Variants in ANKRD44 observed in about 807,000 individuals in gnomAD.
ANKRD44 encodes the protein serine/threonine-protein phosphatase 6 regulatory ankyrin repeat subunit B.
Under a neutral mutation model 116.0 loss-of-function variants are expected in ANKRD44, and 35 were observed. The observed-to-expected ratio is 0.30, with a 90% confidence interval of 0.23 to 0.40. The LOEUF (loss-of-function observed/expected upper bound fraction) is 0.40. Among genes scored for constraint, ANKRD44 ranks in the 10% least tolerant of loss-of-function variants. The pLI, the probability that ANKRD44 is intolerant of heterozygous loss-of-function variation, is 1.00. For synonymous variants in ANKRD44, 435 were observed against 461.8 expected, an observed-to-expected ratio of 0.94 and a Z score of 0.74; for missense variants, 1,014 against 1,242.6, an observed-to-expected ratio of 0.82 and a Z score of 2.77.
chr2:197,168,293 A>G (rs2080145694), intron 2 of ANKRD44, among the ~76,000 whole-genome samples: 1 of 152,134 alleles, frequency 6.6e-6, no homozygotes, highest in South Asian at 2.1e-4. Flanking sequence ...ATGCCACTAA[A>G]CTTTGGGGTG....
chr2:197,117,832 C>T (rs1262152269), intron 8 of ANKRD44, among the ~76,000 whole-genome samples: 1 of 152,196 alleles, frequency 6.6e-6, no homozygotes, highest in Non-Finnish European at 1.5e-5. Context: ...TAGTTATCCA[C>T]TAATCAGCTC....
chr2:197,040,955 C>T lies in ANKRD44; in HGVS notation c.1651-15688G>A, dbSNP rs188530406. On this transcript the variant is annotated intron_variant, in intron 16 of 27. Coordinates refer to ENST00000282272, the MANE Select transcript of ANKRD44 (RefSeq NM_001195144.2). ...ACATTTCACTCTTCTCTTATTATGA[C>T]AGTCATGTTTTTAATTTTTTGAAAA... Among the ~76,000 whole-genome samples the T allele has an allele frequency of 8.1e-4, 123 of 152,240 alleles. 2 individuals are homozygous for T. The highest frequency in any genetic ancestry group is 7.9e-3 in the Admixed American group (121 of 15,284).
chr2:197,089,691 C>T (rs1457896874), intron 11 of ANKRD44, among the ~76,000 whole-genome samples: 1 of 152,220 alleles, frequency 6.6e-6, no homozygotes, highest in Non-Finnish European at 1.5e-5. Flanking sequence ...TGCCATGTTT[C>T]ACCCTGGAAC....
chr2:197,234,103 A>T (rs2081926528), intron 1 of ANKRD44, among the ~76,000 whole-genome samples: 1 of 152,080 alleles, frequency 6.6e-6, no homozygotes, highest in South Asian at 2.1e-4. Flanking sequence ...CCATAGCCCC[A>T]CCCATCTTTC....
In ANKRD44 at chr2:197,273,976, AAAAAATATATATATATATAT is replaced by A. The variant is rs2082982889; in HGVS notation, c.27+36582_27+36601del. Among the ~76,000 whole-genome samples, 5 of 53,472 alleles carry A rather than the reference AAAAAATATATATATATATAT, an allele frequency of 9.4e-5. 1 individual carries two copies. Among genetic ancestry groups the A allele is most frequent in the Admixed American group, 5.3e-4 (2 of 3,744 alleles). 35.1% of individuals were successfully genotyped at this position (53,472 alleles called of 152,430 possible). On this transcript the variant is annotated intron_variant, in intron 1 of 27. Transcript: ENST00000282272. ...AACCAACCACAAAAAAAAAAAAAAA[AAAAAATATATATATATATAT>A]ATATATATATATATATATATATATA... is the stretch of plus-strand genomic sequence containing the variant.
rs781458141 is a variant in ANKRD44 at position 197,000,508 on chromosome 2, A to G, written c.2436-6T>C. 4 of 1,612,516 alleles carry G rather than the reference A, an allele frequency of 2.5e-6. No homozygotes were observed. Among genetic ancestry groups the G allele is most frequent in the Non-Finnish European group, 3.4e-6 (4 of 1,178,538 alleles). On this transcript the variant is annotated splice_polypyrimidine_tract_variant and splice_region_variant and intron_variant, in intron 22 of 27. Coordinates refer to ENST00000282272, the MANE Select transcript of ANKRD44 (RefSeq NM_001195144.2). ...AATTCCCATGATCATTGATTCTAAAATGAAAATGGGTTTTAATGTAACAAT... is the reference window on the plus strand; with the variant it reads ...AATTCCCATGATCATTGATTCTAAAGTGAAAATGGGTTTTAATGTAACAAT...
chr2:197,097,907 CTCA>C (rs2078199971), intron 10 of ANKRD44, among the ~76,000 whole-genome samples: 1 of 152,194 alleles, frequency 6.6e-6, no homozygotes, highest in African/African-American at 2.4e-5. Context: ...GCCTTTCCTC[CTCA>C]TTTCTTTCCA....
intron 17 of ANKRD44, among the ~76,000 whole-genome samples, chr2:197,017,866 C>T (rs116035374): frequency 2.0e-5 from 3 of 152,316 alleles, no homozygotes; most frequent in Non-Finnish European, 4.4e-5. Flanking sequence ...GATAATAGAG[C>T]CAGTGGGTGT....
At chr2:197,257,428 T>C (rs185901195) in intron 1 of ANKRD44, among the ~76,000 whole-genome samples, 1 of 152,144 alleles carries the variant, frequency 6.6e-6, no homozygotes, top group Non-Finnish European at 1.5e-5. Flanking sequence ...GTCAGCTTTT[T>C]AGTGATTATT....
At chr2:197,266,213 C>T (rs1034815016) in intron 1 of ANKRD44, among the ~76,000 whole-genome samples, 18 of 152,116 alleles carry the variant, frequency 1.2e-4, no homozygotes, top group African/African-American at 4.1e-4. Context: ...CTAAAGAATT[C>T]GCCACCAAGA....
intron 16 of ANKRD44, among the ~76,000 whole-genome samples, chr2:197,070,324 C>A (rs893736633): frequency 6.6e-6 from 1 of 152,064 alleles, no homozygotes; most frequent in Non-Finnish European, 1.5e-5. Flanking sequence ...AGTCTTTTAC[C>A]GTTAAGTAAA....
chr2:196,995,441 C>T lies in ANKRD44; in HGVS notation c.2769G>A (p.Leu923=). Residue 923 remains leucine, a synonymous_variant, in exon 26 of 28, where the codon TTG becomes TTA. Transcript: ENST00000282272. ...ACSKGHEKCA[L]LILDKIQDES... is the part of the protein sequence containing the mutation. ...CGTCTTGTATCTTGTCAAGTATTAA[C>T]AAGGCACATTTTTCATGACCCTAAT... The T allele has an allele frequency of 6.2e-7, 1 of 1,610,698 alleles. No individual in the cohort carries two copies. Among genetic ancestry groups the T allele is most frequent in the South Asian group, 1.1e-5 (1 of 90,134 alleles).
intron 1 of ANKRD44, among the ~76,000 whole-genome samples, chr2:197,285,189 T>C (rs1657199081): frequency 6.6e-6 from 1 of 152,010 alleles, no homozygotes; most frequent in African/African-American, 2.4e-5. Context: ...GTAAGGCCTG[T>C]GGACCCATTG....
chr2:197,110,655 G>A, intron 9 of ANKRD44, 111 bp downstream of exon 9: 1 of 844,168 alleles, frequency 1.2e-6, no homozygotes, highest in Non-Finnish European at 2.0e-6. Flanking sequence ...GTAATTGCAT[G>A]CTTACTAAAA....
chr2:197,071,066 T>G (rs1355715287), intron 16 of ANKRD44, among the ~76,000 whole-genome samples: 1 of 152,194 alleles, frequency 6.6e-6, no homozygotes, highest in Non-Finnish European at 1.5e-5. Context: ...TATGGGGATA[T>G]CCCCTATTTC....
At chr2:197,287,782 G>A (rs1409943286) in intron 1 of ANKRD44, among the ~76,000 whole-genome samples, 1 of 152,016 alleles carries the variant, frequency 6.6e-6, no homozygotes, top group Admixed American at 6.5e-5. Flanking sequence ...CACTTTGGGA[G>A]GCCGAGGCGG....
intron 10 of ANKRD44, among the ~76,000 whole-genome samples, chr2:197,091,242 A>ACTC (rs1346644418): frequency 1.3e-5 from 2 of 151,948 alleles, no homozygotes; most frequent in African/African-American, 4.8e-5. Flanking sequence ...CACAGAGTTC[A>ACTC]CTCCTGCCCG....
At chr2:197,172,162 G>A (rs934437677) in intron 2 of ANKRD44, among the ~76,000 whole-genome samples, 9 of 151,566 alleles carry the variant, frequency 5.9e-5, no homozygotes, top group Admixed American at 5.3e-4. Context: ...CACCACACTC[G>A]ACTAACTTTT....
In ANKRD44 at chr2:196,988,818, G is replaced by A; in HGVS notation, c.*773C>T. 1.7e-5 allele frequency: 17 copies of A among 985,386 alleles called. No homozygotes were observed. Among genetic ancestry groups the A allele is most frequent in the Non-Finnish European group, 1.9e-5 (16 of 829,932 alleles). The allele number at this position is 985,386 out of a possible 1,614,324, so 61.0% of individuals were successfully genotyped here. Reference sequence around the variant, plus strand: ...CTTTTGGCACATGTGCCCACACACTGCCATCATTTCTCATCAGGTTACTGA... The same window carrying A: ...CTTTTGGCACATGTGCCCACACACTACCATCATTTCTCATCAGGTTACTGA... On this transcript the variant is annotated 3_prime_UTR_variant, in exon 28 of 28. Coordinates refer to ENST00000282272, the MANE Select transcript of ANKRD44 (RefSeq NM_001195144.2).
Sources: gnomAD v4.1 joint callset for allele counts (sites outside exome capture counted in the v4.1 genomes callset) on GRCh38, gnomAD v4.1.1 for gene constraint, MANE v1.5 for transcripts, NCBI Gene and HGNC (gene_info 2026-07-23, HGNC 2026-07-21) for gene names.